Variants in SYNE1 observed in about 807,000 individuals in gnomAD.
SYNE1 encodes the protein nesprin-1.
In SYNE1, 616 loss-of-function variants were observed where a neutral mutation model predicts 1,111.0. The ratio of observed to expected loss-of-function variants is 0.55; its 90% confidence interval spans 0.52 to 0.59. SYNE1 has a LOEUF of 0.59. SYNE1 is among the 20% of genes least tolerant of loss of function. The pLI is 0.00. For synonymous variants in SYNE1, 3,855 were observed against 3,825.8 expected (o/e 1.01, Z -0.28); for missense variants, 10,006 against 10,417.0 (o/e 0.96, Z 1.72).
chr6:152,559,845 G>T (rs1421030940), intron 3 of SYNE1, among the ~76,000 whole-genome samples: 1 of 152,008 alleles, frequency 6.6e-6, no homozygotes, highest in African/African-American at 2.4e-5. Flanking sequence ...ACTAAGAGTT[G>T]GTTTTTGAAA....
At chr6:152,165,419 T>A (rs1397482802) in intron 130 of SYNE1, among the ~76,000 whole-genome samples, 2 of 152,216 alleles carry the variant, frequency 1.3e-5, no homozygotes, top group Non-Finnish European at 2.9e-5. Flanking sequence ...AGCACTGTCA[T>A]ATAAATGCTC....
At chr6:152,314,115 T>C (rs1401702938) in intron 87 of SYNE1, among the ~76,000 whole-genome samples, 3 of 152,248 alleles carry the variant, frequency 2.0e-5, no homozygotes, top group Admixed American at 2.0e-4. Context: ...CCATCTTTTA[T>C]ATTGTCTTAC....
intron 117 of SYNE1, among the ~76,000 whole-genome samples, chr6:152,223,955 G>A (rs2080857643): frequency 6.6e-6 from 1 of 152,132 alleles, no homozygotes; most frequent in South Asian, 2.1e-4. Context: ...AAACATCAGG[G>A]ATATCATTTT....
intron 64 of SYNE1, 55 bp from the exon 65 acceptor site, chr6:152,359,513 A>C: frequency 3.7e-6 from 6 of 1,606,738 alleles, no homozygotes; most frequent in Middle Eastern, 1.7e-4. Flanking sequence ...CACATCAACG[A>C]CACTGCTAAA....
At chr6:152,251,189 G>A (rs2089131203) in intron 104 of SYNE1, among the ~76,000 whole-genome samples, 1 of 151,800 alleles carries the variant, frequency 6.6e-6, no homozygotes, top group Non-Finnish European at 1.5e-5. Context: ...GAGCTCAGGT[G>A]ATCCACCTGC....
chr6:152,330,961 C>T lies in SYNE1; in HGVS notation c.13724G>A (p.Cys4575Tyr). 6.2e-7 allele frequency: 1 copy of T among 1,614,160 alleles called. No homozygotes were observed. The highest frequency in any genetic ancestry group is 8.5e-7 in the Non-Finnish European group (1 of 1,180,026). ...AATATCTGCTTGTTTTAGCCAGTGG[C>T]AAGCTTTATCAAAATCTTCCTTAAA... Reference protein sequence around the residue: ...KHFKEDFDKACHWLKQADIVT... With the variant: ...KHFKEDFDKAYHWLKQADIVT... The change falls in exon 78 of 146, where the codon TGC becomes TAC. Residue 4575 changes from cysteine (C) to tyrosine (Y), a missense_variant. By Grantham distance (194) the Cys-to-Tyr change is radical. Coordinates refer to ENST00000367255, the MANE Select transcript of SYNE1 (RefSeq NM_182961.4).
chr6:152,427,945 T>C (rs2098385406), intron 37 of SYNE1, 129 bp from the exon 38 acceptor site: 2 of 1,351,776 alleles, frequency 1.5e-6, no homozygotes, highest in Admixed American at 2.0e-5. Context: ...GTCTTAGATA[T>C]GCCAGCACAA....
chr6:152,330,285 C>T lies in SYNE1; in HGVS notation c.14400G>A (p.Glu4800=), dbSNP rs1376843709. Residue 4800 remains glutamate, a synonymous_variant, in exon 78 of 146, where the codon GAG becomes GAA. Coordinates refer to ENST00000367255, the MANE Select transcript of SYNE1 (RefSeq NM_182961.4). ...GCGTTTCCTCATTCACTTTGGACTG[C>T]TCCTCTTTTACAGACTTCAGTTGTC... ...LERQLKSVKE[E]QSKVNEETLP... 6.2e-7 allele frequency: 1 copy of T among 1,614,164 alleles called. No individual in the cohort carries two copies. Among genetic ancestry groups the T allele is most frequent in the Admixed American group, 1.7e-5 (1 of 60,014 alleles).
intron 3 of SYNE1, among the ~76,000 whole-genome samples, chr6:152,574,337 G>A (rs1377737738): frequency 6.6e-6 from 1 of 151,958 alleles, no homozygotes; most frequent in Non-Finnish European, 1.5e-5. Flanking sequence ...CTGGAGAGTT[G>A]CCTCAGAAAC....
intron 3 of SYNE1, chr6:152,546,751 C>A (rs1219623237): frequency 6.6e-6 from 1 of 152,128 alleles, no homozygotes; most frequent in African/African-American, 2.4e-5. Context: ...TCATTGATTT[C>A]CTCACCCTTT....
chr6:152,187,893 T>A (rs192061665), intron 128 of SYNE1, among the ~76,000 whole-genome samples: 1 of 152,216 alleles, frequency 6.6e-6, no homozygotes, highest in African/African-American at 2.4e-5. Context: ...CCGCGGCTAA[T>A]TTTTGTATTT....
chr6:152,239,682 G>T lies in SYNE1; in HGVS notation c.19918C>A (p.His6640Asn), dbSNP rs778532275. Residue 6640 changes from histidine (H) to asparagine (N), a missense_variant, in exon 108 of 146, where the codon CAT (histidine) becomes AAT (asparagine). His to Asn is a moderately conservative substitution (Grantham distance 68). This residue lies in a region of SYNE1 where 2,182 missense variants were observed against 2,287.8 expected (regional missense o/e 0.95). Coordinates refer to ENST00000367255, the MANE Select transcript of SYNE1 (RefSeq NM_182961.4). ...HKEYFQGLES[H>N]MILTETLFRK... ...AAGAGTGTTTCAGTCAAGATCATAT[G>T]AGATTCCAGGCCCTGAAAGTATTCC... 6.2e-7 allele frequency: 1 copy of T among 1,614,070 alleles called. No individual in the cohort carries two copies. Among genetic ancestry groups the T allele is most frequent in the African/African-American group, 1.3e-5 (1 of 74,926 alleles).
chr6:152,517,854 G>A (rs1031988861), intron 6 of SYNE1, among the ~76,000 whole-genome samples: 1 of 152,174 alleles, frequency 6.6e-6, no homozygotes, highest in Non-Finnish European at 1.5e-5. Flanking sequence ...GGTAGGAAAT[G>A]CAGTTAGAGG....
chr6:152,344,264 G>T (rs1303846831), intron 73 of SYNE1, 37 bp from the exon 74 acceptor site: 2 of 1,613,544 alleles, frequency 1.2e-6, no homozygotes, highest in Middle Eastern at 1.7e-4. Flanking sequence ...TATGAGAACT[G>T]CTTTCTACCT....
intron 12 of SYNE1, among the ~76,000 whole-genome samples, chr6:152,485,459 G>A (rs2098934205): frequency 1.3e-5 from 2 of 152,224 alleles, no homozygotes; most frequent in African/African-American, 4.8e-5. Flanking sequence ...AAGCTGTCTA[G>A]ATTTGTGTTT....
intron 127 of SYNE1, among the ~76,000 whole-genome samples, chr6:152,201,384 A>C (rs1437045848): frequency 6.7e-6 from 1 of 150,036 alleles, no homozygotes; most frequent in Non-Finnish European, 1.5e-5. Flanking sequence ...GAGATAAGCT[A>C]TTTTTCCCCC....
intron 14 of SYNE1, among the ~76,000 whole-genome samples, chr6:152,481,345 C>G (rs544289552): frequency 6.6e-6 from 1 of 152,176 alleles, no homozygotes; most frequent in South Asian, 2.1e-4. Flanking sequence ...TGCTACCATG[C>G]CTATTTGCTG....
intron 39 of SYNE1, among the ~76,000 whole-genome samples, chr6:152,421,819 C>T (rs2098266616): frequency 6.6e-6 from 1 of 152,084 alleles, no homozygotes; most frequent in Non-Finnish European, 1.5e-5. Flanking sequence ...GATTCTCCTG[C>T]CTCAGCCTCC....
chr6:152,472,167 T>C lies in SYNE1; in HGVS notation c.1463+134A>G, dbSNP rs533332405. On this transcript the variant is annotated intron_variant, in intron 15 of 145. Transcript: ENST00000367255. ...ATGGTGGCATTCTTAGCATGTCTTA[T>C]GGGAGCCCGCTTTCTATTTACCAAA... 1,053 of 729,724 alleles carry C rather than the reference T, an allele frequency of 1.4e-3. 3 individuals are homozygous for C. Among genetic ancestry groups the C allele is most frequent in the Non-Finnish European group, 2.0e-3 (867 of 432,446 alleles). The allele number at this position is 729,724 out of a possible 1,614,324, so 45.2% of individuals were successfully genotyped here. A position where few individuals can be genotyped will look rare whatever the true frequency, so the allele number is the denominator to read the frequency against.
Sources: allele counts gnomAD v4.1 joint callset (sites outside exome capture counted in the v4.1 genomes callset), GRCh38; gene constraint gnomAD v4.1.1; regional missense constraint gnomAD v4.1.1; transcripts MANE v1.5; gene names NCBI Gene and HGNC (gene_info 2026-07-23, HGNC 2026-07-21).